Variants in CABIN1 observed in about 807,000 individuals in gnomAD.
The protein encoded by CABIN1 is calcineurin binding protein 1, also known as calcineurin-binding protein cabin-1.
In CABIN1, 133 loss-of-function variants were observed where a neutral mutation model predicts 227.7. That is an observed-to-expected ratio of 0.58 (90% CI 0.51 to 0.67). The LOEUF is 0.67. CABIN1 is among the 30% of genes least tolerant of loss of function. The probability of loss-of-function intolerance (pLI) is 0.00; values close to 1 mark genes in which losing one functional copy is unlikely to be tolerated. For missense variants in CABIN1, 2,408 were observed against 2,852.5 expected (o/e 0.84, Z 3.55); for synonymous variants, 1,086 against 1,155.1 (o/e 0.94, Z 1.21).
At chr22:24,076,020 C>CAAAAA in intron 18 of CABIN1, 149 bp from the exon 19 acceptor site, 1 of 522,782 alleles carries the variant, frequency 1.9e-6, no homozygotes, top group Non-Finnish European at 3.3e-6. Context: ...TTTAAAAAGG[C>CAAAAA]AAAAAAAAAA....
At chr22:24,072,022 C>T (rs2095108482) in intron 17 of CABIN1, among the ~76,000 whole-genome samples, 2 of 152,182 alleles carry the variant, frequency 1.3e-5, no homozygotes, top group Non-Finnish European at 2.9e-5. Flanking sequence ...CATACTGACT[C>T]TTTGCACTTG....
intron 29 of CABIN1, among the ~76,000 whole-genome samples, chr22:24,142,378 C>T (rs909010024): frequency 1.3e-5 from 2 of 151,670 alleles, no homozygotes; most frequent in Admixed American, 6.6e-5. Flanking sequence ...TTCCCTAGGA[C>T]GAATGACTGG....
Position 24,178,000 on chromosome 22 carries a change from TG to T in CABIN1, c.6520-49del. 4 of 1,609,202 alleles carry T rather than the reference TG, an allele frequency of 2.5e-6. No homozygotes were observed. The highest frequency in any genetic ancestry group is 3.4e-6 in the Non-Finnish European group (4 of 1,178,824). ...CAGGGGTGAAGGTGGCAGAGGGGCT[TG>T]GGGCAGAGCCCAGCCATCCTTGACC... On this transcript the variant is annotated intron_variant, in intron 36 of 36. Transcript: ENST00000263119. This position sits in a 1 kb window ranked among gnomAD's most constrained non-coding sequence, Gnocchi z 4.4.
intron 28 of CABIN1, among the ~76,000 whole-genome samples, chr22:24,120,149 C>A (rs1159508596): frequency 6.6e-6 from 1 of 152,242 alleles, no homozygotes; most frequent in Admixed American, 6.5e-5. Context: ...TAGGCCCCAT[C>A]TCTCCAGCTG....
In CABIN1 at chr22:24,138,020, A is replaced by G. The variant is rs1170312988; in HGVS notation, c.4746+3605A>G. ...AAGGGAGGTTGAGACTGGGGACATC[A>G]GCACCCTAATCCCTATCCCTCTCAA... On this transcript the variant is annotated intron_variant, in intron 29 of 36. Transcript: ENST00000263119. 3.3e-5 allele frequency among the ~76,000 whole-genome samples: 5 copies of G among 152,324 alleles called. No individual in the cohort carries two copies. In the East Asian group the frequency reaches 9.7e-4, roughly 29 times the overall value.
intron 26 of CABIN1, among the ~76,000 whole-genome samples, chr22:24,111,551 A>G (rs1277076703): frequency 6.6e-5 from 10 of 152,238 alleles, no homozygotes; most frequent in Non-Finnish European, 1.5e-4. Context: ...CAGCCCCCAC[A>G]GTCTGTGGAA....
intron 11 of CABIN1, among the ~76,000 whole-genome samples, chr22:24,059,590 G>A (rs561371460): frequency 1.3e-3 from 198 of 152,286 alleles, no homozygotes; most frequent in Non-Finnish European, 2.5e-3. Flanking sequence ...CAGAGACTTC[G>A]CTTTGCAAAT....
At chr22:24,070,659 G>C (rs2040017067) in intron 16 of CABIN1, 141 bp from the exon 17 acceptor site, 2 of 1,228,570 alleles carry the variant, frequency 1.6e-6, no homozygotes, top group Non-Finnish European at 2.4e-6. Flanking sequence ...CGGGCTGCAT[G>C]GGGCCTATGT....
chr22:24,094,569 G>A (rs905109393), intron 24 of CABIN1, among the ~76,000 whole-genome samples: 2 of 152,170 alleles, frequency 1.3e-5, no homozygotes, highest in South Asian at 2.1e-4. Context: ...TGTAATTCCA[G>A]CACTTTGGGA....
intron 1 of CABIN1, among the ~76,000 whole-genome samples, chr22:24,016,226 T>C (rs2146438572): frequency 6.6e-6 from 1 of 152,348 alleles, no homozygotes; most frequent in East Asian, 1.9e-4. Context: ...TTTGGACATT[T>C]CATGTAAATG....
chr22:24,156,465 T>C (rs1220584775), intron 29 of CABIN1: 1 of 187,230 alleles, frequency 5.3e-6, no homozygotes, highest in Non-Finnish European at 1.1e-5. Flanking sequence ...AGCCCCGGGC[T>C]GGGAGCTGGC....
chr22:24,063,223 GGTGTGTGTGTGTATGTGTGTGT>G (rs1569150513), intron 14 of CABIN1, 77 bp downstream of exon 14: 5 of 1,430,912 alleles, frequency 3.5e-6, no homozygotes, highest in South Asian at 2.3e-5. Context: ...CCATGTTGAG[GGTGTGTGTGTGTATGTGTGTGT>G]GTGTGTGTGT....
chr22:24,034,675 C>T (rs187203309), intron 1 of CABIN1, among the ~76,000 whole-genome samples: 313 of 152,332 alleles, frequency 2.1e-3, no homozygotes, highest in Non-Finnish European at 3.7e-3. Flanking sequence ...TTTTGAGGAA[C>T]TAGCAGACTG....
At chr22:24,022,513 A>G (rs1406262831) in intron 1 of CABIN1, among the ~76,000 whole-genome samples, 1 of 152,210 alleles carries the variant, frequency 6.6e-6, no homozygotes, top group Non-Finnish European at 1.5e-5. Flanking sequence ...CACCTAATGA[A>G]GGATATTTGA....
At chr22:24,094,449 G>A (rs2041750720) in intron 24 of CABIN1, among the ~76,000 whole-genome samples, 1 of 152,284 alleles carries the variant, frequency 6.6e-6, no homozygotes, top group Middle Eastern at 3.4e-3. Context: ...TAATTTGGGG[G>A]GCAACCCATT....
intron 10 of CABIN1, among the ~76,000 whole-genome samples, chr22:24,058,225 A>T (rs944890203): frequency 6.6e-6 from 1 of 152,118 alleles, no homozygotes; most frequent in South Asian, 2.1e-4. Context: ...GTCTTGCTAT[A>T]TTGCCCAGGC....
chr22:24,046,368 A>C (rs1453740342), intron 6 of CABIN1, among the ~76,000 whole-genome samples: 7 of 152,114 alleles, frequency 4.6e-5, no homozygotes, highest in Admixed American at 1.3e-4. Context: ...CTCGTTCTGT[A>C]GGTTGCCCCT....
At chr22:24,032,096 T>C (rs1311376409) in intron 1 of CABIN1, among the ~76,000 whole-genome samples, 1 of 152,166 alleles carries the variant, frequency 6.6e-6, no homozygotes, top group African/African-American at 2.4e-5. Flanking sequence ...TCTCCAAAAC[T>C]CTCTTCATCT....
rs2148594898 is a variant in CABIN1 at position 24,158,846 on chromosome 22, CCTA to C, written c.4747-5551_4747-5549del. On this transcript the variant is annotated intron_variant, in intron 29 of 36. Transcript: ENST00000263119. ...TATCTGTGGCATAAACTCTCCAATG[CCTA>C]CTCAGGGGTAGCCTGGATGTGGCGC... is the stretch of plus-strand genomic sequence containing the variant. Among the ~76,000 whole-genome samples the C allele has an allele frequency of 2.0e-5, 3 of 152,324 alleles. No individual in the cohort carries two copies. In the South Asian group the frequency reaches 6.2e-4, roughly 32 times the overall value.
Sources: gnomAD v4.1 joint callset for allele counts (sites outside exome capture counted in the v4.1 genomes callset) on GRCh38, gnomAD v4.1.1 for gene constraint, Gnocchi (gnomAD v3.1) non-coding constraint, MANE v1.5 for transcripts, NCBI Gene and HGNC (gene_info 2026-07-23, HGNC 2026-07-21) for gene names.